The following OR4E2 variants were observed in gnomAD, a reference collection of about 807,000 sequenced individuals.
OR4E2 encodes the protein olfactory receptor family 4 subfamily E member 2, also known as olfactory receptor 4E2.
Under a neutral mutation model 11.0 loss-of-function variants are expected in OR4E2, and 9 were observed. That is an observed-to-expected ratio of 0.82 (90% CI 0.49 to 1.43). The LOEUF (loss-of-function observed/expected upper bound fraction) is 1.43, where lower values mean the gene tolerates loss of function less well. Ranked by LOEUF, OR4E2 falls within the 40% of genes most tolerant of loss-of-function variation. OR4E2 has a pLI of 0.00. For synonymous variants in OR4E2, 159 were observed against 147.3 expected (o/e 1.08, Z -0.57); for missense variants, 441 against 382.0 (o/e 1.15, Z -1.29).
intron 2 of OR4E2, among the ~76,000 whole-genome samples, chr14:21,659,714 C>T (rs1477119863): frequency 6.6e-6 from 1 of 152,082 alleles, no homozygotes; most frequent in Non-Finnish European, 1.5e-5. Context: ...TATAATCGTT[C>T]AAAAATATGT....
In OR4E2 at chr14:21,665,800, T is replaced by C; in HGVS notation, c.718T>C (p.Cys240Arg). 6.2e-7 allele frequency: 1 copy of C among 1,613,900 alleles called. No homozygotes were observed. Among genetic ancestry groups the C allele is most frequent in the Non-Finnish European group, 8.5e-7 (1 of 1,179,854 alleles). Residue 240 changes from cysteine (C) to arginine (R), a missense_variant, in exon 4 of 4, where the codon TGC (cysteine) becomes CGC (arginine). By Grantham distance (180) the Cys-to-Arg change is radical. Coordinates refer to ENST00000641524, the MANE Select transcript of OR4E2 (RefSeq NM_001001912.3). ...AEGRRKALSTCSAHFMVVALF... is the reference protein window; with the variant it reads ...AEGRRKALSTRSAHFMVVALF... ...AGGGCGCCGGAAAGCCCTGTCTACC[T>C]GCTCGGCCCACTTCATGGTGGTTGC...
chr14:21,661,445 G>T (rs905312209), intron 3 of OR4E2, among the ~76,000 whole-genome samples: 3 of 151,786 alleles, frequency 2.0e-5, no homozygotes, highest in African/African-American at 7.3e-5. Flanking sequence ...TTCCTTCAAG[G>T]TTCGTAATAT....
intron 1 of OR4E2, among the ~76,000 whole-genome samples, chr14:21,656,115 CA>C (rs1356285625): frequency 1.4e-5 from 2 of 147,876 alleles, no homozygotes; most frequent in East Asian, 3.9e-4. Flanking sequence ...CCTGTCTCTA[CA>C]AAAAAACCAA....
At chr14:21,654,447 G>GCACA (rs374926097) in intron 1 of OR4E2, among the ~76,000 whole-genome samples, 1 of 149,040 alleles carries the variant, frequency 6.7e-6, no homozygotes, top group South Asian at 2.1e-4. Flanking sequence ...ACACATGCAT[G>GCACA]CACACACACA....
intron 3 of OR4E2, among the ~76,000 whole-genome samples, chr14:21,663,915 C>T (rs915844755): frequency 2.6e-5 from 4 of 152,114 alleles, no homozygotes; most frequent in Admixed American, 6.5e-5. Context: ...TATCCATGTC[C>T]CTGCAAAGGA....
intron 1 of OR4E2, among the ~76,000 whole-genome samples, chr14:21,654,427 C>CTGCATGCACACACA (rs942417388): frequency 2.7e-5 from 4 of 147,422 alleles, no homozygotes; most frequent in Non-Finnish European, 6.0e-5. Context: ...CACACACACG[C>CTGCATGCACACACA]TGCATGCACA....
chr14:21,656,300 C>A (rs192256749), intron 1 of OR4E2, among the ~76,000 whole-genome samples: 70 of 152,202 alleles, frequency 4.6e-4, no homozygotes, highest in Admixed American at 4.5e-3. Context: ...GTTGAGGCTG[C>A]AATGAGCTGT....
intron 3 of OR4E2, 89 bp from the exon 4 acceptor site, chr14:21,664,986 G>A: frequency 1.4e-6 from 1 of 703,396 alleles, no homozygotes; most frequent in Non-Finnish European, 2.4e-6. Flanking sequence ...TGATAAATAA[G>A]CAATTCAGAT....
intron 1 of OR4E2, 129 bp downstream of exon 1, chr14:21,654,068 T>C (rs1350285321): frequency 1.3e-5 from 2 of 152,194 alleles, no homozygotes; most frequent in Non-Finnish European, 2.9e-5. Flanking sequence ...CAGCCTAAGC[T>C]TAATAGAGCT....
chr14:21,660,086 G>A (rs1220555909), intron 2 of OR4E2, among the ~76,000 whole-genome samples: 1 of 152,054 alleles, frequency 6.6e-6, no homozygotes, highest in Non-Finnish European at 1.5e-5. Flanking sequence ...CCAGGGACCA[G>A]TTTCATGGAA....
intron 1 of OR4E2, among the ~76,000 whole-genome samples, chr14:21,656,073 T>C (rs1024499384): frequency 2.0e-5 from 3 of 151,654 alleles, no homozygotes; most frequent in African/African-American, 7.3e-5. Context: ...AGCCCAGGAA[T>C]TTGAGACCAA....
At chr14:21,655,888 T>C (rs1403271631) in intron 1 of OR4E2, among the ~76,000 whole-genome samples, 2 of 152,004 alleles carry the variant, frequency 1.3e-5, no homozygotes, top group Non-Finnish European at 2.9e-5. Flanking sequence ...CGTAGTTCTG[T>C]CTTAGTTGGC....
At chr14:21,658,429 G>T (rs1880135026) in intron 2 of OR4E2, among the ~76,000 whole-genome samples, 1 of 152,164 alleles carries the variant, frequency 6.6e-6, no homozygotes, top group Non-Finnish European at 1.5e-5. Flanking sequence ...CACGATAATG[G>T]TCTACTGTGA....
rs376689828 is a variant in OR4E2 at position 21,661,566 on chromosome 14, G to T, written c.-9+820G>T. On this transcript the variant is annotated intron_variant, in intron 3 of 3. Coordinates refer to ENST00000641524, the MANE Select transcript of OR4E2 (RefSeq NM_001001912.3). ...TCCAAGGAGTATTAATAGTGCTGAT[G>T]GGTCCAATTGTCAGAAATTCTGAAT... is the stretch of plus-strand genomic sequence containing the variant. Among the ~76,000 whole-genome samples, 8 of 152,334 alleles carry T rather than the reference G, an allele frequency of 5.3e-5. No homozygotes were observed. In the East Asian group the frequency reaches 1.2e-3, roughly 22 times the overall value.
chr14:21,654,213 C>A (rs1041030238), intron 1 of OR4E2, among the ~76,000 whole-genome samples: 4 of 152,106 alleles, frequency 2.6e-5, no homozygotes, highest in African/African-American at 9.7e-5. Context: ...ATAATAGGCT[C>A]TTTAAGAAAA....
At chr14:21,662,094 A>G (rs1880358986) in intron 3 of OR4E2, among the ~76,000 whole-genome samples, 1 of 151,944 alleles carries the variant, frequency 6.6e-6, no homozygotes, top group Non-Finnish European at 1.5e-5. Flanking sequence ...GCATATTTTT[A>G]TTCATACTTA....
At position 21,658,477 on chromosome 14, in the gene OR4E2, C is replaced by G. The variant is rs117558676; in HGVS notation, c.-103+1888C>G. Among the ~76,000 whole-genome samples, 200 of 152,326 alleles carry G rather than the reference C, an allele frequency of 1.3e-3. 6 individuals carry two copies. The East Asian group carries it at 0.036, about 27-fold the overall frequency. On this transcript the variant is annotated intron_variant, in intron 2 of 3. Transcript: ENST00000641524. ...TTCCTCTTGGCAAAAGGAGCCTTCTCTAAGTAACACTTCTCTAAGTGGGTC... is the reference window on the plus strand; with the variant it reads ...TTCCTCTTGGCAAAAGGAGCCTTCTGTAAGTAACACTTCTCTAAGTGGGTC...
intron 3 of OR4E2, among the ~76,000 whole-genome samples, chr14:21,663,243 G>T (rs1391213681): frequency 2.0e-5 from 3 of 152,168 alleles, no homozygotes; most frequent in African/African-American, 7.2e-5. Context: ...ACTTTGGGAG[G>T]CCGAGGTGGG....
chr14:21,664,193 G>A (rs915746266), intron 3 of OR4E2, among the ~76,000 whole-genome samples: 4 of 152,178 alleles, frequency 2.6e-5, no homozygotes, highest in Non-Finnish European at 4.4e-5. Context: ...CTTCCACAAT[G>A]GTTGAACTAA....
Sources: gnomAD v4.1 joint callset for allele counts (sites outside exome capture counted in the v4.1 genomes callset) on GRCh38, gnomAD v4.1.1 for gene constraint, MANE v1.5 for transcripts, NCBI Gene and HGNC (gene_info 2026-07-23, HGNC 2026-07-21) for gene names.